ARID3A: variants seen among roughly 807,000 people sequenced by gnomAD.
The protein encoded by ARID3A is AT-rich interactive domain-containing protein 3A.
In ARID3A, 11 loss-of-function variants were observed where a neutral mutation model predicts 52.7. The ratio of observed to expected loss-of-function variants is 0.21; its 90% CI spans 0.13 to 0.35. The LOEUF (loss-of-function observed/expected upper bound fraction) is 0.35, where lower values mean the gene tolerates loss of function less well. ARID3A is among the 10% of genes least tolerant of loss of function. The pLI is 1.00. For synonymous variants in ARID3A, 404 were observed against 359.4 expected, an observed-to-expected ratio of 1.12 and a Z score of -1.40; for missense variants, 721 against 838.5, an observed-to-expected ratio of 0.86 and a Z score of 1.73.
In ARID3A at chr19:974,032, T is replaced by G. The variant is rs2038333605; in HGVS notation, c.*1967T>G. ...CCCAGGGTAAGCCTGGGTCTCTAAT[T>G]GGGCCCTGGGAGCCCTGTTAGGCCA... On this transcript the variant is annotated 3_prime_UTR_variant, in exon 9 of 9. Coordinates refer to ENST00000263620, the MANE Select transcript of ARID3A (RefSeq NM_005224.3). 4.4e-6 allele frequency: 1 copy of G among 227,258 alleles called. No homozygotes were observed. Among genetic ancestry groups the G allele is most frequent in the Non-Finnish European group, 8.7e-6 (1 of 114,410 alleles). The allele number at this position is 227,258 out of a possible 1,614,324, so 14.1% of individuals were successfully genotyped here.
chr19:929,648 G>A lies in ARID3A; in HGVS notation c.120G>A (p.Arg40=). Residue 40 remains arginine, a synonymous_variant, in exon 2 of 9, where the codon CGG becomes CGA. Transcript: ENST00000263620. The surrounding 1 kb of genome is among the most constrained non-coding windows in gnomAD (Gnocchi z 6.2). ...CTGCTGCACCCCCCGGCCGGGCCCG[G>A]GCTGCCCCCGACGAGGACAGAGAGC... ...DPPAAPPGRA[R]AAPDEDREPE... is the part of the protein sequence containing the mutation. The A allele has an allele frequency of 1.3e-6, 2 of 1,536,110 alleles. No homozygotes were observed. The highest frequency in any genetic ancestry group is 1.7e-6 in the Non-Finnish European group (2 of 1,148,220).
chr19:968,239 A>G (rs1361418249), intron 7 of ARID3A, among the ~76,000 whole-genome samples, 166 bp from the exon 8 acceptor site: 1 of 150,712 alleles, frequency 6.6e-6, no homozygotes, highest in East Asian at 2.0e-4. Flanking sequence ...GGGCGCCTGT[A>G]GTCCCAGCTA....
Position 964,539 on chromosome 19 carries a change from C to A in ARID3A, c.950+108C>A, listed in dbSNP as rs904099897. 41 of 1,393,878 alleles carry A rather than the reference C, an allele frequency of 2.9e-5. No homozygotes were observed. The highest frequency in any genetic ancestry group is 3.8e-5 in the Non-Finnish European group (40 of 1,043,480). The allele number at this position is 1,393,878 out of a possible 1,614,324, so 86.3% of individuals were successfully genotyped here. A position where few individuals can be genotyped will look rare whatever the true frequency, so the allele number is the denominator to read the frequency against. Reference sequence around the variant, plus strand: ...TGGTGGGCAGCTGCAGAGGAGGGGGCAGTGGGCAGCCGCAAAGGGCACAGG... The same window carrying A: ...TGGTGGGCAGCTGCAGAGGAGGGGGAAGTGGGCAGCCGCAAAGGGCACAGG... On this transcript the variant is annotated intron_variant, in intron 5 of 8. Transcript: ENST00000263620. The surrounding 1 kb of genome is among the most constrained non-coding windows in gnomAD (Gnocchi z 5.7).
At chr19:966,340 C>T (rs1599426142) in intron 6 of ARID3A, among the ~76,000 whole-genome samples, 1 of 151,678 alleles carries the variant, frequency 6.6e-6, no homozygotes, top group Middle Eastern at 3.4e-3. Flanking sequence ...GTGCCTGTTT[C>T]CCAGCTACTA....
At position 973,104 on chromosome 19, in the gene ARID3A, A is replaced by ATCTTTT. The variant is rs775338115; in HGVS notation, c.*1040_*1041insCTTTTT. 9.3e-5 allele frequency: 5 copies of ATCTTTT among 53,660 alleles called. No homozygotes were observed. The highest frequency in any genetic ancestry group is 1.4e-4 in the Non-Finnish European group (4 of 29,066). The allele number at this position is 53,660 out of a possible 1,614,324, so 3.3% of individuals were successfully genotyped here. Reference sequence around the variant, plus strand: ...GGGCTCTCGAGTCAGGGGCCTGGAAATTTTTTTTTTTTTTTTTTTTTGAGA... The same window carrying ATCTTTT: ...GGGCTCTCGAGTCAGGGGCCTGGAAATCTTTTTTTTTTTTTTTTTTTTTTTTTGAGA... On this transcript the variant is annotated 3_prime_UTR_variant, in exon 9 of 9. Transcript: ENST00000263620.
At chr19:939,377 A>G (rs1412241770) in intron 3 of ARID3A, among the ~76,000 whole-genome samples, 3 of 152,094 alleles carry the variant, frequency 2.0e-5, no homozygotes, top group African/African-American at 7.2e-5. Context: ...TCGGCCTCCC[A>G]GAGTGCTGGG....
chr19:942,350 CA>C lies in ARID3A; in HGVS notation c.693+9609del, dbSNP rs1296415767. 6.6e-6 allele frequency among the ~76,000 whole-genome samples: 1 copy of C among 152,158 alleles called. No homozygotes were observed. Among genetic ancestry groups the C allele is most frequent in the Non-Finnish European group, 1.5e-5 (1 of 68,010 alleles). ...CCCGCAGCTGCCCGGCGGTGGCACC[CA>C]GGGGCGTCACCCACGAGGGACGCTT... On this transcript the variant is annotated intron_variant, in intron 3 of 8. Transcript: ENST00000263620. The surrounding 1 kb of genome is among the most constrained non-coding windows in gnomAD (Gnocchi z 8.1).
Position 932,617 on chromosome 19 carries a change from A to C in ARID3A, c.568A>C (p.Arg190=). 6.6e-7 allele frequency: 1 copy of C among 1,523,090 alleles called. No homozygotes were observed. Among genetic ancestry groups the C allele is most frequent in the South Asian group, 1.2e-5 (1 of 81,664 alleles). The allele number at this position is 1,523,090 out of a possible 1,614,324, so 94.3% of individuals were successfully genotyped here. Residue 190 remains arginine (R), a synonymous_variant, in exon 3 of 9, where the codon AGG becomes CGG. Coordinates refer to ENST00000263620, the MANE Select transcript of ARID3A (RefSeq NM_005224.3). ...GGCCTTCCGCGGCGATGGCGTTCCC[A>C]GGGTGCTGGGGGGCCAGGAGCGGCC... The part of the protein sequence containing the change: ...PQAFRGDGVP[R]VLGGQERPGP...
At chr19:968,754 C>A in intron 8 of ARID3A, 1 of 380,364 alleles carries the variant, frequency 2.6e-6, no homozygotes, top group Non-Finnish European at 4.8e-6. Flanking sequence ...GGTTCACATT[C>A]CTAGTTTTTT....
At chr19:965,764 G>C (rs974758905) in intron 6 of ARID3A, among the ~76,000 whole-genome samples, 4 of 152,012 alleles carry the variant, frequency 2.6e-5, no homozygotes, top group African/African-American at 4.8e-5. Context: ...GGCTGAGGCA[G>C]GCGGATCGCT....
rs1030929947 is a variant in ARID3A at position 960,865 on chromosome 19, G to A, written c.766+701G>A. Among the ~76,000 whole-genome samples the A allele has an allele frequency of 7.9e-5, 12 of 152,188 alleles. No individual in the cohort carries two copies. Among genetic ancestry groups the A allele is most frequent in the Non-Finnish European group, 1.6e-4 (11 of 68,032 alleles). On this transcript the variant is annotated intron_variant, in intron 4 of 8. Transcript: ENST00000263620. This position sits in a 1 kb window ranked among gnomAD's most constrained non-coding sequence, Gnocchi z 4.3. ...CTAGAGAGGGCAGGTCTGGGCTGGT[G>A]TCCAGGTGGGGAAACTGAGGTCCAG...
chr19:932,518 G>A lies in ARID3A; in HGVS notation c.469G>A (p.Glu157Lys). The change falls in exon 3 of 9, where the codon GAG becomes AAG. Residue 157 changes from glutamate to lysine, a missense_variant. Physicochemically the swap from Glu to Lys is moderately conservative, Grantham distance 56. Coordinates refer to ENST00000263620, the MANE Select transcript of ARID3A (RefSeq NM_005224.3). ...YEDEEEEEDEEGLGPPGPASL... is the reference protein window; with the variant it reads ...YEDEEEEEDEKGLGPPGPASL... ...GGATGAGGAGGAGGAGGAGGACGAG[G>A]AGGGGCTGGGCCCCCCAGGCCCTGC... 2 of 1,536,126 alleles carry A rather than the reference G, an allele frequency of 1.3e-6. No homozygotes were observed. The highest frequency in any genetic ancestry group is 1.7e-6 in the Non-Finnish European group (2 of 1,145,908).
chr19:956,216 C>T (rs563066856), intron 3 of ARID3A, among the ~76,000 whole-genome samples: 4 of 152,226 alleles, frequency 2.6e-5, no homozygotes, highest in Non-Finnish European at 5.9e-5. Flanking sequence ...GTACCTGCTG[C>T]CTCAGGCGTT....
At chr19:934,297 C>A (rs577198786) in intron 3 of ARID3A, among the ~76,000 whole-genome samples, 1 of 152,104 alleles carries the variant, frequency 6.6e-6, no homozygotes, top group Non-Finnish European at 1.5e-5. Context: ...CAGACAGCCC[C>A]GGCCTCCAAG....
chr19:958,081 C>A (rs1157531145), intron 3 of ARID3A: 3 of 151,370 alleles, frequency 2.0e-5, no homozygotes, highest in Non-Finnish European at 4.4e-5. Context: ...CATTGCACTC[C>A]AGCCTGGGCG....
chr19:947,154 G>A lies in ARID3A; in HGVS notation c.694-12938G>A, dbSNP rs2037703247. On this transcript the variant is annotated intron_variant, in intron 3 of 8. Coordinates refer to ENST00000263620, the MANE Select transcript of ARID3A (RefSeq NM_005224.3). The surrounding 1 kb of genome is among the most constrained non-coding windows in gnomAD (Gnocchi z 6.3). ...TGCCCCCCATTGCTGGGCACCGTGGGGTGGGGTGTGTCTGTGTGTGGCCTG... is the reference window on the plus strand; with the variant it reads ...TGCCCCCCATTGCTGGGCACCGTGGAGTGGGGTGTGTCTGTGTGTGGCCTG... Among the ~76,000 whole-genome samples, 1 of 152,056 alleles carries A rather than the reference G, an allele frequency of 6.6e-6. No homozygotes were observed. Among genetic ancestry groups the A allele is most frequent in the South Asian group, 2.1e-4 (1 of 4,834 alleles).
intron 3 of ARID3A, among the ~76,000 whole-genome samples, chr19:952,136 G>T (rs1012628627): frequency 6.6e-6 from 1 of 150,942 alleles, no homozygotes; most frequent in African/African-American, 2.4e-5. Flanking sequence ...GCGAGACTCG[G>T]TCTCAAAACA....
In ARID3A at chr19:973,383, GGATTA is replaced by G. The variant is rs935645282; in HGVS notation, c.*1319_*1323del. 5.9e-5 allele frequency: 11 copies of G among 185,972 alleles called. No homozygotes were observed. Among genetic ancestry groups the G allele is most frequent in the African/African-American group, 2.3e-4 (10 of 42,658 alleles). 11.5% of individuals were successfully genotyped at this position (185,972 alleles called of 1,614,324 possible). ...CCCGCCTTGGCCTCCCAAAGTGCTG[GGATTA>G]CAGGCATGAGCCGCCACGCTGGCCC... is the stretch of plus-strand genomic sequence containing the variant. On this transcript the variant is annotated 3_prime_UTR_variant, in exon 9 of 9. Transcript: ENST00000263620.
At chr19:935,657 C>T (rs753967402) in intron 3 of ARID3A, among the ~76,000 whole-genome samples, 7 of 151,900 alleles carry the variant, frequency 4.6e-5, no homozygotes, top group Non-Finnish European at 2.9e-5. Flanking sequence ...TTTGTAGAGA[C>T]GGGGTCTTGC....
Sources: allele counts gnomAD v4.1 joint callset (sites outside exome capture counted in the v4.1 genomes callset), GRCh38; gene constraint gnomAD v4.1.1; non-coding constraint Gnocchi (gnomAD v3.1); transcripts MANE v1.5; gene names NCBI Gene and HGNC (gene_info 2026-07-23, HGNC 2026-07-21).